Variants in BCAS3 observed in about 807,000 individuals in gnomAD.
BCAS3 encodes BCAS4/BCAS3 fusion.
In BCAS3, 53 loss-of-function variants were observed where a neutral mutation model predicts 116.1. The observed-to-expected ratio is 0.46, with a 90% CI of 0.37 to 0.57. The LOEUF is 0.57. Ranked by LOEUF, BCAS3 falls within the 20% of genes least tolerant of loss-of-function variation. BCAS3 has a pLI of 0.00. For missense variants in BCAS3, 917 were observed against 1,165.4 expected (o/e 0.79, Z 3.10); for synonymous variants, 391 against 408.2 (o/e 0.96, Z 0.51).
chr17:60,868,208 G>GT (rs1383050251), intron 7 of BCAS3, among the ~76,000 whole-genome samples: 1 of 151,688 alleles, frequency 6.6e-6, no homozygotes, highest in African/African-American at 2.4e-5. Flanking sequence ...TATTTTTTTA[G>GT]TGGGGGCAGG....
At chr17:61,223,302 A>G (rs1398828447) in intron 22 of BCAS3, among the ~76,000 whole-genome samples, 1 of 151,888 alleles carries the variant, frequency 6.6e-6, no homozygotes, top group Non-Finnish European at 1.5e-5. Flanking sequence ...GATTACAGGC[A>G]TGTGCCACCA....
intron 9 of BCAS3, among the ~76,000 whole-genome samples, chr17:60,877,353 T>C (rs1053067117): frequency 3.9e-5 from 6 of 152,188 alleles, no homozygotes; most frequent in Non-Finnish European, 5.9e-5. Context: ...GCAGTATCTC[T>C]CCTGTCTATC....
chr17:61,025,329 G>T (rs1010720265), intron 16 of BCAS3, among the ~76,000 whole-genome samples: 18 of 151,930 alleles, frequency 1.2e-4, no homozygotes, highest in Non-Finnish European at 2.5e-4. Context: ...TTCTGCCACT[G>T]GTTCTGTGGA....
At position 61,128,772 on chromosome 17, in the gene BCAS3, A is replaced by G. The variant is rs1278966247; in HGVS notation, c.2425+44208A>G. 6.7e-6 allele frequency among the ~76,000 whole-genome samples: 1 copy of G among 149,784 alleles called. No homozygotes were observed. Among genetic ancestry groups the G allele is most frequent in the Non-Finnish European group, 1.5e-5 (1 of 67,490 alleles). On this transcript the variant is annotated intron_variant, in intron 22 of 23. Coordinates refer to ENST00000407086, the MANE Select transcript of BCAS3 (RefSeq NM_017679.5). The surrounding 1 kb of genome is among the most constrained non-coding windows in gnomAD (Gnocchi z 4.1). ...AGCTGGTAGAATTTTTTCCCCCAGG[A>G]AAAAAAAATCGGCAACTTTTGGTCT...
chr17:61,095,195 G>A lies in BCAS3; in HGVS notation c.2425+10631G>A, dbSNP rs933666374. 2.0e-5 allele frequency among the ~76,000 whole-genome samples: 3 copies of A among 152,116 alleles called. No individual in the cohort carries two copies. Among genetic ancestry groups the A allele is most frequent in the Admixed American group, 6.5e-5 (1 of 15,278 alleles). The stretch of plus-strand genomic sequence containing the variant: ...TTGAGTTAGACCAACTTTTCTTCGT[G>A]TACGTCAACCAAAACAGCATATCAG... On this transcript the variant is annotated intron_variant, in intron 22 of 23. Transcript: ENST00000407086. The surrounding 1 kb of genome is among the most constrained non-coding windows in gnomAD (Gnocchi z 4.7).
intron 9 of BCAS3, among the ~76,000 whole-genome samples, chr17:60,884,653 T>C (rs1316090014): frequency 7.0e-6 from 1 of 142,706 alleles, no homozygotes; most frequent in Non-Finnish European, 1.5e-5. Context: ...GTCTTTGTTC[T>C]CGTTGGTTTC....
chr17:60,849,290 T>A (rs2052834939), intron 7 of BCAS3, among the ~76,000 whole-genome samples: 1 of 152,254 alleles, frequency 6.6e-6, no homozygotes, highest in Admixed American at 6.5e-5. Context: ...TCTTTTTTTT[T>A]TTTTTAATCT....
At chr17:61,310,783 T>C (rs1348644349) in intron 22 of BCAS3, among the ~76,000 whole-genome samples, 1 of 152,072 alleles carries the variant, frequency 6.6e-6, no homozygotes, top group Non-Finnish European at 1.5e-5. Flanking sequence ...CAGATCATCA[T>C]AGTGATAAAA....
At chr17:61,252,876 T>C (rs917203126) in intron 22 of BCAS3, among the ~76,000 whole-genome samples, 2 of 115,608 alleles carry the variant, frequency 1.7e-5, no homozygotes, top group East Asian at 5.9e-4. Context: ...AATCTGTTCC[T>C]ATACATTTTT....
At chr17:60,757,255 C>T (rs2043076223) in intron 6 of BCAS3, among the ~76,000 whole-genome samples, 2 of 151,634 alleles carry the variant, frequency 1.3e-5, no homozygotes, top group South Asian at 4.2e-4. Context: ...GCAGAGGTTG[C>T]AGTGAGCTGA....
intron 22 of BCAS3, among the ~76,000 whole-genome samples, chr17:61,338,888 G>GAAAAAA (rs57701817): frequency 1.5e-5 from 1 of 67,278 alleles, no homozygotes. Flanking sequence ...CCCTTACTGG[G>GAAAAAA]AAAAAAAAAA....
intron 23 of BCAS3, chr17:61,383,881 C>G (rs557486811): frequency 2.0e-5 from 3 of 152,408 alleles, no homozygotes; most frequent in African/African-American, 7.2e-5. Flanking sequence ...CTGTGGTCTG[C>G]AGGGCTCAGT....
Position 61,346,756 on chromosome 17 carries a change from T to C in BCAS3, c.2426-21571T>C, listed in dbSNP as rs1424307694. ...TCAGTGCCAAGTGTAGGAGAAGGCATGAAGGCAAGCCACTTCACCACAGTC... is the reference window on the plus strand; with the variant it reads ...TCAGTGCCAAGTGTAGGAGAAGGCACGAAGGCAAGCCACTTCACCACAGTC... On this transcript the variant is annotated intron_variant, in intron 22 of 23. Transcript: ENST00000407086. This position sits in a 1 kb window ranked among gnomAD's most constrained non-coding sequence, Gnocchi z 5.4. Among the ~76,000 whole-genome samples, 1 of 152,184 alleles carries C rather than the reference T, an allele frequency of 6.6e-6. No homozygotes were observed. The highest frequency in any genetic ancestry group is 2.4e-5 in the African/African-American group (1 of 41,460).
chr17:61,163,923 G>A (rs1237455234), intron 22 of BCAS3, among the ~76,000 whole-genome samples: 4 of 150,506 alleles, frequency 2.7e-5, no homozygotes, highest in Admixed American at 2.0e-4. Context: ...TCTGCCTCTG[G>A]GAGGCAGAGG....
chr17:60,702,043 C>G (rs1003127888), intron 4 of BCAS3, among the ~76,000 whole-genome samples: 4 of 152,156 alleles, frequency 2.6e-5, no homozygotes, highest in Non-Finnish European at 5.9e-5. Context: ...TAGATACACA[C>G]ACACACACAA....
chr17:61,254,102 C>T (rs551509245), intron 22 of BCAS3, among the ~76,000 whole-genome samples: 3 of 152,154 alleles, frequency 2.0e-5, no homozygotes, highest in Non-Finnish European at 2.9e-5. Flanking sequence ...GAGACAAGCC[C>T]GAGGAAAAAA....
chr17:61,248,666 T>C lies in BCAS3; in HGVS notation c.2426-119661T>C, dbSNP rs2144536165. Among the ~76,000 whole-genome samples the C allele has an allele frequency of 6.6e-6, 1 of 152,326 alleles. No homozygotes were observed. The highest frequency in any genetic ancestry group is 1.9e-4 in the East Asian group (1 of 5,176). ...GTATCATGGTGGGAATTTAGCCAGC[T>C]TTGTGGCAGATGACCAACCCTGATA... On this transcript the variant is annotated intron_variant, in intron 22 of 23. Coordinates refer to ENST00000407086, the MANE Select transcript of BCAS3 (RefSeq NM_017679.5). This position sits in a 1 kb window ranked among gnomAD's most constrained non-coding sequence, Gnocchi z 4.3.
chr17:61,303,473 T>A (rs2053608089), intron 22 of BCAS3, among the ~76,000 whole-genome samples: 1 of 152,184 alleles, frequency 6.6e-6, no homozygotes, highest in African/African-American at 2.4e-5. Flanking sequence ...TTCAGCTCCA[T>A]CGCCACTCAG....
intron 6 of BCAS3, among the ~76,000 whole-genome samples, chr17:60,764,761 C>T (rs1317344604): frequency 6.6e-6 from 1 of 152,280 alleles, no homozygotes; most frequent in Non-Finnish European, 1.5e-5. Context: ...TATTAACCTT[C>T]TGTCTCATTG....
Sources: allele counts gnomAD v4.1 joint callset (sites outside exome capture counted in the v4.1 genomes callset), GRCh38; gene constraint gnomAD v4.1.1; non-coding constraint Gnocchi (gnomAD v3.1); transcripts MANE v1.5; gene names NCBI Gene and HGNC (gene_info 2026-07-23, HGNC 2026-07-21).